KIFAP3: variants seen among roughly 807,000 people sequenced by gnomAD.
The protein encoded by KIFAP3 is kinesin associated protein 3, also known as kinesin-associated protein 3.
A neutral mutation model predicts 106.5 loss-of-function variants in KIFAP3; 68 were observed. That is an observed-to-expected ratio of 0.64 (90% CI 0.53 to 0.78). The LOEUF (loss-of-function observed/expected upper bound fraction) is 0.78. KIFAP3 is among the 30% of genes least tolerant of loss of function. The pLI, the probability that KIFAP3 is intolerant of heterozygous loss-of-function variation, is 0.00. For synonymous variants in KIFAP3, 320 were observed against 311.5 expected (o/e 1.03, Z -0.29); for missense variants, 780 against 941.8 (o/e 0.83, Z 2.25).
intron 10 of KIFAP3, among the ~76,000 whole-genome samples, chr1:169,994,878 G>A (rs1210559216): frequency 6.6e-6 from 1 of 152,038 alleles, no homozygotes; most frequent in Admixed American, 6.6e-5. Context: ...ATTAGAGTCA[G>A]AGATAGGCTC....
chr1:169,961,319 T>C (rs1665320099), intron 17 of KIFAP3, 84 bp from the exon 18 acceptor site: 4 of 1,042,188 alleles, frequency 3.8e-6, no homozygotes, highest in Non-Finnish European at 5.7e-6. Context: ...TCTTGAGAAT[T>C]TTGGGGGCCC....
rs1336712075 is a variant in KIFAP3 at position 170,039,256 on chromosome 1, G to C, written c.352C>G (p.Pro118Ala). The change falls in exon 4 of 20, where the codon CCA becomes GCA. Residue 118 changes from proline to alanine, a missense_variant. Pro to Ala is a conservative substitution (Grantham distance 27). Coordinates refer to ENST00000361580, the MANE Select transcript of KIFAP3 (RefSeq NM_014970.4). The stretch of plus-strand genomic sequence containing the variant: ...ACCTCCATTCCTTCAAAAGGAGGTG[G>C]ATCTTTAGGCTTGCTTGATTTTTCT... ...KKEKSSKPKD[P>A]PPFEGMEIDE... 2 of 1,601,640 alleles carry C rather than the reference G, an allele frequency of 1.2e-6. No homozygotes were observed. The highest frequency in any genetic ancestry group is 2.7e-5 in the African/African-American group (2 of 74,768).
chr1:170,067,188 A>G (rs1049911439), intron 1 of KIFAP3, among the ~76,000 whole-genome samples: 5 of 152,190 alleles, frequency 3.3e-5, no homozygotes, highest in African/African-American at 1.2e-4. Context: ...CACAAGCAAA[A>G]GTATAATTCA....
At chr1:170,009,036 C>T (rs887306431) in intron 10 of KIFAP3, among the ~76,000 whole-genome samples, 1 of 152,140 alleles carries the variant, frequency 6.6e-6, no homozygotes, top group African/African-American at 2.4e-5. Context: ...TCAAACACCG[C>T]ATGTTCTCAC....
intron 10 of KIFAP3, among the ~76,000 whole-genome samples, chr1:170,004,072 A>T (rs1250844874): frequency 6.6e-6 from 1 of 152,212 alleles, no homozygotes; most frequent in Non-Finnish European, 1.5e-5. Flanking sequence ...AATAACAGAC[A>T]GAGAGCCAAA....
chr1:170,082,841 G>A (rs974811898), intron 1 of KIFAP3, among the ~76,000 whole-genome samples: 1 of 151,854 alleles, frequency 6.6e-6, no homozygotes, highest in Non-Finnish European at 1.5e-5. Context: ...GGTGTGGTGG[G>A]GCATGCATTT....
chr1:170,061,364 G>A (rs983460391), intron 1 of KIFAP3, among the ~76,000 whole-genome samples: 9 of 152,042 alleles, frequency 5.9e-5, no homozygotes, highest in Admixed American at 2.0e-4. Context: ...ATATGAACAG[G>A]CACTTCTCAA....
intron 10 of KIFAP3, among the ~76,000 whole-genome samples, chr1:170,009,454 C>T (rs2101983851): frequency 6.6e-6 from 1 of 152,052 alleles, no homozygotes; most frequent in South Asian, 2.1e-4. Flanking sequence ...AAAACACTGC[C>T]ATCTGTCACT....
chr1:169,956,827 C>T (rs1416392461), intron 18 of KIFAP3, among the ~76,000 whole-genome samples: 2 of 151,934 alleles, frequency 1.3e-5, no homozygotes, highest in African/African-American at 2.4e-5. Context: ...GAACTTCTGG[C>T]CTCAAGTGAT....
At chr1:169,940,011 T>A (rs773469382) in intron 19 of KIFAP3, among the ~76,000 whole-genome samples, 6 of 152,210 alleles carry the variant, frequency 3.9e-5, no homozygotes, top group Admixed American at 1.3e-4. Context: ...TTCTGATTTA[T>A]GTTTATATGT....
intron 1 of KIFAP3, among the ~76,000 whole-genome samples, chr1:170,065,667 T>A (rs1434509769): frequency 6.6e-6 from 1 of 151,014 alleles, no homozygotes; most frequent in Non-Finnish European, 1.5e-5. Flanking sequence ...TGCCTTTCCA[T>A]TGGAACATTA....
intron 3 of KIFAP3, 73 bp downstream of exon 3, chr1:170,046,639 T>G: frequency 8.1e-7 from 1 of 1,230,008 alleles, no homozygotes; most frequent in South Asian, 2.4e-5. Context: ...AAACTTTTTT[T>G]TATAGTTGCT....
At chr1:170,077,801 T>C (rs1264000989), upstream of KIFAP3, among the ~76,000 whole-genome samples, 1 of 152,196 alleles carries the variant, frequency 6.6e-6, no homozygotes. Context: ...CTGAATGTAA[T>C]GATAGGCGCT....
chr1:169,985,476 C>G lies in KIFAP3; in HGVS notation c.1285-786G>C, dbSNP rs144141838. Among the ~76,000 whole-genome samples, 7 of 151,876 alleles carry G rather than the reference C, an allele frequency of 4.6e-5. No individual in the cohort carries two copies. The East Asian group carries it at 1.4e-3, about 29-fold the overall frequency. On this transcript the variant is annotated intron_variant, in intron 11 of 19. Coordinates refer to ENST00000361580, the MANE Select transcript of KIFAP3 (RefSeq NM_014970.4). ...CAAAGATGACTTCTGGATTTATGCACTGAGAAATGACATACATGGTGCTGC... is the reference window on the plus strand; with the variant it reads ...CAAAGATGACTTCTGGATTTATGCAGTGAGAAATGACATACATGGTGCTGC...
intron 7 of KIFAP3, among the ~76,000 whole-genome samples, chr1:170,033,030 T>C (rs527897592): frequency 2.6e-5 from 4 of 151,892 alleles, no homozygotes; most frequent in East Asian, 1.9e-4. Context: ...TTCTCCAGTT[T>C]AAATAAATTT....
At chr1:169,983,023 T>G (rs1666608889) in intron 13 of KIFAP3, among the ~76,000 whole-genome samples, 156 bp from the exon 14 acceptor site, 1 of 151,968 alleles carries the variant, frequency 6.6e-6, no homozygotes. Context: ...TAAAGAAGCC[T>G]ATGGTGAACT....
At chr1:170,041,959 T>C in intron 3 of KIFAP3, 5 of 887,234 alleles carry the variant, frequency 5.6e-6, no homozygotes, top group African/African-American at 1.7e-5. Context: ...GTTTTAGAGT[T>C]CTGACTTATC....
intron 3 of KIFAP3, among the ~76,000 whole-genome samples, chr1:170,040,019 ATGT>A (rs1669891543): frequency 6.6e-6 from 1 of 152,116 alleles, no homozygotes; most frequent in African/African-American, 2.4e-5. Context: ...GTAAGTTAGA[ATGT>A]TATCAAAATT....
rs774371486 is a variant in KIFAP3, at chr1:169,978,103, C to T, written c.1879G>A (p.Val627Ile). The T allele has an allele frequency of 3.1e-6, 5 of 1,605,432 alleles. No homozygotes were observed. Among genetic ancestry groups the T allele is most frequent in the South Asian group, 1.1e-5 (1 of 90,784 alleles). The change falls in exon 16 of 20, where the codon GTC (valine) becomes ATC (isoleucine). Residue 627 changes from valine to isoleucine, a missense_variant. This residue lies in a region of KIFAP3 where 78 missense variants were observed against 140.6 expected (regional missense o/e 0.55). Transcript: ENST00000361580. ...AGGATACGTGTTTCCTTGATTATGA[C>T]GTCTCTTGTGGCTTGGTGGAAAACC... ...QMVFHQATRD[V>I]IIKETQAPAY...
Sources: allele counts gnomAD v4.1 joint callset (sites outside exome capture counted in the v4.1 genomes callset), GRCh38; gene constraint gnomAD v4.1.1; regional missense constraint gnomAD v4.1.1; transcripts MANE v1.5; gene names NCBI Gene and HGNC (gene_info 2026-07-23, HGNC 2026-07-21).